The following TMEM123 variants were observed in gnomAD, a reference collection of about 807,000 sequenced individuals.
TMEM123 encodes the protein porimin.
A neutral mutation model predicts 19.7 loss-of-function variants in TMEM123; 16 were observed. The ratio of observed to expected loss-of-function variants is 0.81; its 90% CI spans 0.55 to 1.23. The LOEUF is 1.23. Ranked by LOEUF, TMEM123 falls within the 50% of genes most tolerant of loss-of-function variation. The pLI, the probability that TMEM123 is intolerant of heterozygous loss-of-function variation, is 0.00. For synonymous variants in TMEM123, 118 were observed against 99.4 expected (o/e 1.19, Z -1.12); for missense variants, 313 against 257.8 (o/e 1.21, Z -1.47).
At chr11:102,410,760 AC>A (rs1951997579) in intron 2 of TMEM123, among the ~76,000 whole-genome samples, 1 of 152,032 alleles carries the variant, frequency 6.6e-6, no homozygotes, top group Non-Finnish European at 1.5e-5. Context: ...GAGGCTCTGC[AC>A]ACACAGAAGA....
intron 2 of TMEM123, among the ~76,000 whole-genome samples, chr11:102,431,681 C>T (rs775550265): frequency 3.3e-5 from 5 of 152,120 alleles, no homozygotes; most frequent in Non-Finnish European, 7.3e-5. Context: ...ATCACATGTG[C>T]TTTATCCATT....
chr11:102,447,322 A>G (rs1176659586), intron 2 of TMEM123, among the ~76,000 whole-genome samples: 1 of 152,214 alleles, frequency 6.6e-6, no homozygotes, highest in African/African-American at 2.4e-5. Context: ...AGTGTGATAA[A>G]GAGACATAGG....
intron 2 of TMEM123, among the ~76,000 whole-genome samples, chr11:102,438,597 T>C (rs569179370): frequency 1.2e-4 from 18 of 152,338 alleles, no homozygotes; most frequent in African/African-American, 3.4e-4. Flanking sequence ...CAAAATTGGA[T>C]GATGTTAAAA....
intron 2 of TMEM123, among the ~76,000 whole-genome samples, chr11:102,409,775 G>A (rs926155277): frequency 6.6e-6 from 1 of 152,016 alleles, no homozygotes; most frequent in Non-Finnish European, 1.5e-5. Context: ...TGAGGCAGGA[G>A]AATTGCTTGA....
chr11:102,442,314 C>T (rs376389409), intron 2 of TMEM123, among the ~76,000 whole-genome samples: 4 of 152,118 alleles, frequency 2.6e-5, no homozygotes, highest in Admixed American at 2.0e-4. Flanking sequence ...ACTGGCAAAC[C>T]GAATCCAGCA....
At chr11:102,406,665 G>A (rs564240199) in intron 2 of TMEM123, among the ~76,000 whole-genome samples, 93 of 152,088 alleles carry the variant, frequency 6.1e-4, no homozygotes, top group African/African-American at 2.1e-3. Flanking sequence ...CACGAGGTCA[G>A]GAGATCGATC....
intron 2 of TMEM123, among the ~76,000 whole-genome samples, chr11:102,446,985 GA>G (rs1857891320): frequency 6.6e-6 from 1 of 152,066 alleles, no homozygotes; most frequent in East Asian, 1.9e-4. Flanking sequence ...TAACTAAAAA[GA>G]AAAACAGTTA....
rs754492537 is a variant in TMEM123 at position 102,398,615 on chromosome 11, CTTGT to C, written c.*248_*251del. Reference sequence around the variant, plus strand: ...CCCAGCCAAAAAAAAAAAGATAGGACTTGTTTGTCTTACTATGAACTTGCTAAAA... The same window carrying C: ...CCCAGCCAAAAAAAAAAAGATAGGACTTGTCTTACTATGAACTTGCTAAAA... On this transcript the variant is annotated 3_prime_UTR_variant, in exon 5 of 5. Transcript: ENST00000398136. 4.2e-4 allele frequency: 210 copies of C among 498,870 alleles called. No homozygotes were observed. Among genetic ancestry groups the C allele is most frequent in the African/African-American group, 8.5e-4 (42 of 49,362 alleles). The allele number at this position is 498,870 out of a possible 1,614,324, so 30.9% of individuals were successfully genotyped here.
intron 2 of TMEM123, among the ~76,000 whole-genome samples, chr11:102,432,653 G>A (rs373191507): frequency 6.6e-6 from 1 of 152,246 alleles, no homozygotes; most frequent in African/African-American, 2.4e-5. Flanking sequence ...GGAGCCAAAT[G>A]TTAACCACCA....
intron 2 of TMEM123, among the ~76,000 whole-genome samples, chr11:102,441,555 G>A (rs985198419): frequency 5.9e-5 from 9 of 152,128 alleles, no homozygotes; most frequent in African/African-American, 2.2e-4. Context: ...TGTGTAGAGG[G>A]AAATTTATAG....
chr11:102,443,477 A>G (rs2135864668), intron 2 of TMEM123, among the ~76,000 whole-genome samples: 1 of 152,358 alleles, frequency 6.6e-6, no homozygotes, highest in Middle Eastern at 3.4e-3. Flanking sequence ...TGGTGCTGGG[A>G]AAACTGGCTA....
At chr11:102,400,029 C>G (rs1047742498) in intron 4 of TMEM123, among the ~76,000 whole-genome samples, 1 of 151,954 alleles carries the variant, frequency 6.6e-6, no homozygotes, top group African/African-American at 2.4e-5. Context: ...AGTAATATAA[C>G]TGTTAGATCC....
intron 2 of TMEM123, among the ~76,000 whole-genome samples, chr11:102,439,709 T>C (rs1238598004): frequency 3.3e-5 from 5 of 151,972 alleles, no homozygotes; most frequent in Non-Finnish European, 5.9e-5. Context: ...CTTTGACGAG[T>C]TGAGAGAAGA....
At chr11:102,407,105 C>T (rs748030155) in intron 2 of TMEM123, among the ~76,000 whole-genome samples, 4 of 152,152 alleles carry the variant, frequency 2.6e-5, no homozygotes, top group Non-Finnish European at 5.9e-5. Context: ...ATCAACCAAA[C>T]AGCTTTTGTC....
chr11:102,443,606 T>C (rs1204101210), intron 2 of TMEM123, among the ~76,000 whole-genome samples: 4 of 152,106 alleles, frequency 2.6e-5, no homozygotes, highest in Non-Finnish European at 5.9e-5. Flanking sequence ...GAAGAAAACC[T>C]AAGCAATACC....
intron 4 of TMEM123, among the ~76,000 whole-genome samples, chr11:102,401,055 ATAAAT>A (rs914169876): frequency 4.7e-4 from 72 of 152,358 alleles, no homozygotes; most frequent in African/African-American, 1.4e-3. Flanking sequence ...AGGTAAAATG[ATAAAT>A]TATATTATTT....
At chr11:102,426,275 CAATAAT>C in intron 2 of TMEM123, among the ~76,000 whole-genome samples, 1 of 152,098 alleles carries the variant, frequency 6.6e-6, no homozygotes, top group Non-Finnish European at 1.5e-5. Flanking sequence ...TCGTTCTTAA[CAATAAT>C]AACAGTTAAC....
At chr11:102,434,839 A>G (rs1857746294) in intron 2 of TMEM123, among the ~76,000 whole-genome samples, 1 of 151,920 alleles carries the variant, frequency 6.6e-6, no homozygotes, top group Non-Finnish European at 1.5e-5. Context: ...AATTCATTAA[A>G]GAGACTATCC....
At chr11:102,432,292 G>C (rs1857719644) in intron 2 of TMEM123, among the ~76,000 whole-genome samples, 1 of 152,208 alleles carries the variant, frequency 6.6e-6, no homozygotes, top group Non-Finnish European at 1.5e-5. Flanking sequence ...GAGACTTGTT[G>C]AACGGCTTTG....
Sources: gnomAD v4.1 joint callset for allele counts (sites outside exome capture counted in the v4.1 genomes callset) on GRCh38, gnomAD v4.1.1 for gene constraint, MANE v1.5 for transcripts, NCBI Gene and HGNC (gene_info 2026-07-23, HGNC 2026-07-21) for gene names.